Variants in LPL observed in about 807,000 individuals in gnomAD.
The protein encoded by LPL is lipoprotein lipase.
A neutral mutation model predicts 52.2 loss-of-function variants in LPL; 43 were observed. The observed-to-expected ratio is 0.82, with a 90% CI of 0.64 to 1.06. The LOEUF (loss-of-function observed/expected upper bound fraction) is 1.06. Ranked by LOEUF, LPL falls within the 50% of genes least tolerant of loss-of-function variation. The pLI is 0.00. For synonymous variants in LPL, 244 were observed against 215.6 expected, an observed-to-expected ratio of 1.13 and a Z score of -1.15; for missense variants, 639 against 585.3, an observed-to-expected ratio of 1.09 and a Z score of -0.95.
At chr8:19,957,046 A>T (rs2069992104) in intron 6 of LPL, among the ~76,000 whole-genome samples, 1 of 152,144 alleles carries the variant, frequency 6.6e-6, no homozygotes, top group African/African-American at 2.4e-5. Context: ...CTGGTCTCGA[A>T]CTGCTGACCT....
Position 19,960,923 on chromosome 8 carries a change from A to T in LPL, c.1162A>T (p.Thr388Ser). Residue 388 changes from threonine (T) to serine (S), a missense_variant, in exon 8 of 10, where the codon ACC becomes TCC. Physicochemically the swap from Thr to Ser is moderately conservative, Grantham distance 58 (BLOSUM62 1). Transcript: ENST00000650287. ...TAGGCCTGAAGTTTCCACAAATAAG[A>T]CCTACTCCTTCCTAATTTACACAGA... ...FTLPEVSTNKTYSFLIYTEVD... is the reference protein window; with the variant it reads ...FTLPEVSTNKSYSFLIYTEVD... The T allele has an allele frequency of 6.2e-7, 1 of 1,613,894 alleles. No homozygotes were observed. Among genetic ancestry groups the T allele is most frequent in the South Asian group, 1.1e-5 (1 of 91,066 alleles).
In LPL at chr8:19,955,977, T is replaced by C. The variant is rs1174269258; in HGVS notation, c.912T>C (p.Ser304=). The C allele has an allele frequency of 6.2e-7, 1 of 1,613,970 alleles. No homozygotes were observed. The highest frequency in any genetic ancestry group is 8.5e-7 in the Non-Finnish European group (1 of 1,180,020). ...CCTTTGAGAAAGGGCTCTGCTTGAG[T>C]TGTAGAAAGAACCGCTGCAACAATC... The part of the protein sequence containing the change: ...KEAFEKGLCL[S]CRKNRCNNLG... Residue 304 remains serine, a synonymous_variant, in exon 6 of 10, where the codon AGT becomes AGC. Coordinates refer to ENST00000650287, the MANE Select transcript of LPL (RefSeq NM_000237.3).
intron 2 of LPL, among the ~76,000 whole-genome samples, chr8:19,949,494 CT>C (rs1350964255): frequency 6.6e-6 from 1 of 152,076 alleles, no homozygotes; most frequent in Non-Finnish European, 1.5e-5. Context: ...GAATCTTTTT[CT>C]TTTTTGAGAT....
At chr8:19,959,129 T>C (rs1400766690) in intron 6 of LPL, 131 bp from the exon 7 acceptor site, 1 of 1,050,304 alleles carries the variant, frequency 9.5e-7, no homozygotes, top group Non-Finnish European at 1.4e-6. Context: ...GCCACACCAG[T>C]GGTTCCATGT....
chr8:19,957,140 A>G (rs2069992829), intron 6 of LPL, among the ~76,000 whole-genome samples: 1 of 152,212 alleles, frequency 6.6e-6, no homozygotes, highest in South Asian at 2.1e-4. Context: ...ACCTTCTAAG[A>G]TACTGCCATT....
chr8:19,943,472 C>G (rs183824260), intron 1 of LPL, among the ~76,000 whole-genome samples: 1 of 152,116 alleles, frequency 6.6e-6, no homozygotes. Context: ...TTTATTCAGC[C>G]CTCCCTCCAA....
intron 3 of LPL, among the ~76,000 whole-genome samples, chr8:19,952,338 T>A (rs963467917): frequency 2.0e-5 from 3 of 152,310 alleles, no homozygotes; most frequent in South Asian, 2.1e-4. Context: ...ATCTCTTTCA[T>A]GAAAATATTA....
At position 19,939,544 on chromosome 8, in the gene LPL, A is replaced by G. The variant is rs752827324; in HGVS notation, c.88+16A>G. ...GCCGCCGACCGTAAGTTTTGCGCGCAAACTCCCCTCCACCTGCAGACCCGG... is the reference window on the plus strand; with the variant it reads ...GCCGCCGACCGTAAGTTTTGCGCGCGAACTCCCCTCCACCTGCAGACCCGG... On this transcript the variant is annotated intron_variant, in intron 1 of 9. Transcript: ENST00000650287. The surrounding 1 kb of genome is among the most constrained non-coding windows in gnomAD (Gnocchi z 4.0). The G allele has an allele frequency of 2.1e-5, 34 of 1,603,056 alleles. No homozygotes were observed. Among genetic ancestry groups the G allele is most frequent in the Non-Finnish European group, 1.6e-5 (19 of 1,176,020 alleles).
intron 9 of LPL, among the ~76,000 whole-genome samples, chr8:19,964,788 C>G (rs1195206305): frequency 2.0e-5 from 3 of 152,100 alleles, no homozygotes. Context: ...TCTCAGCCTC[C>G]CAATGTGCTG....
chr8:19,948,309 G>A lies in LPL; in HGVS notation c.218G>A (p.Ser73Asn). 2 of 1,614,100 alleles carry A rather than the reference G, an allele frequency of 1.2e-6. No homozygotes were observed. Among genetic ancestry groups the A allele is most frequent in the Non-Finnish European group, 1.7e-6 (2 of 1,180,002 alleles). Residue 73 changes from serine to asparagine, a missense_variant, in exon 2 of 10, where the codon AGC (serine) becomes AAC (asparagine). Physicochemically the swap from Ser to Asn is conservative, Grantham distance 46. Coordinates refer to ENST00000650287, the MANE Select transcript of LPL (RefSeq NM_000237.3). ...GCTACCTGTCATTTCAATCACAGCA[G>A]CAAAACCTTCATGGTGATCCATGGC... ...SVATCHFNHS[S>N]KTFMVIHGWT...
chr8:19,949,551 C>T (rs1034475032), intron 2 of LPL, among the ~76,000 whole-genome samples: 10 of 152,252 alleles, frequency 6.6e-5, no homozygotes, highest in African/African-American at 1.9e-4. Context: ...GGCGCGATCT[C>T]GGCTCACTGC....
Position 19,939,403 on chromosome 8 carries a change from C to T in LPL, c.-38C>T, listed in dbSNP as rs886062787. 3.8e-6 allele frequency: 6 copies of T among 1,569,616 alleles called. No individual in the cohort carries two copies. The highest frequency in any genetic ancestry group is 5.2e-6 in the Non-Finnish European group (6 of 1,156,630). ...CGGCTCAGCCGGCTCATCAGTCGGTCCGCGCCTTGCAGCTCCTCCAGAGGG... is the reference window on the plus strand; with the variant it reads ...CGGCTCAGCCGGCTCATCAGTCGGTTCGCGCCTTGCAGCTCCTCCAGAGGG... On this transcript the variant is annotated 5_prime_UTR_variant, in exon 1 of 10. Coordinates refer to ENST00000650287, the MANE Select transcript of LPL (RefSeq NM_000237.3). The surrounding 1 kb of genome is among the most constrained non-coding windows in gnomAD (Gnocchi z 4.0).
At position 19,948,181 on chromosome 8, in the gene LPL, AAGAAG is replaced by A. The variant is rs1263698980; in HGVS notation, c.94_98del (p.Arg32PhefsTer7). 1.2e-6 allele frequency: 2 copies of A among 1,614,112 alleles called. No homozygotes were observed. The highest frequency in any genetic ancestry group is 8.5e-7 in the Non-Finnish European group (1 of 1,179,960). ...TCATATCCAATTTTTCCTTTCCAGA[AAGAAG>A]AGATTTTATCGACATCGAAAGTAAA... On this transcript the variant is annotated frameshift_variant and splice_region_variant, in exon 2 of 10. Coordinates refer to ENST00000650287, the MANE Select transcript of LPL (RefSeq NM_000237.3). LOFTEE classifies it high-confidence loss of function.
At chr8:19,958,350 A>G (rs1590146065) in intron 6 of LPL, among the ~76,000 whole-genome samples, 1 of 151,778 alleles carries the variant, frequency 6.6e-6, no homozygotes, top group Non-Finnish European at 1.5e-5. Context: ...CTCCATCATC[A>G]TGGTTCTATT....
rs372554872 is a variant in LPL, at chr8:19,948,265, C to A, written c.174C>A (p.Pro58=). 6.2e-7 allele frequency: 1 copy of A among 1,614,070 alleles called. No homozygotes were observed. Among genetic ancestry groups the A allele is most frequent in the Non-Finnish European group, 8.5e-7 (1 of 1,179,996 alleles). The change falls in exon 2 of 10, where the codon CCC becomes CCA. Residue 58 remains proline, a synonymous_variant. Transcript: ENST00000650287. ...CTGAGGACACTTGCCACCTCATTCC[C>A]GGAGTAGCAGAGTCCGTGGCTACCT... ...DTAEDTCHLI[P]GVAESVATCH...
At chr8:19,964,889 A>G (rs1001195074) in intron 9 of LPL, among the ~76,000 whole-genome samples, 3 of 152,210 alleles carry the variant, frequency 2.0e-5, no homozygotes, top group African/African-American at 7.2e-5. Context: ...AATTAGACTA[A>G]TAATCTTCTA....
At position 19,954,219 on chromosome 8, in the gene LPL, G is replaced by T; in HGVS notation, c.641G>T (p.Arg214Ile). The T allele has an allele frequency of 6.2e-7, 1 of 1,614,172 alleles. No homozygotes were observed. Among genetic ancestry groups the T allele is most frequent in the East Asian group, 2.2e-5 (1 of 44,880 alleles). Reference sequence around the variant, plus strand: ...GTAGACGTCTTACACACATTCACCAGAGGGTCCCCTGGTCGAAGCATTGGA... The same window carrying T: ...GTAGACGTCTTACACACATTCACCATAGGGTCCCCTGGTCGAAGCATTGGA... ...DFVDVLHTFT[R>I]GSPGRSIGIQ... The change falls in exon 5 of 10, where the codon AGA becomes ATA. Residue 214 changes from arginine to isoleucine, a missense_variant. Arg to Ile is a moderately conservative substitution (Grantham distance 97). Transcript: ENST00000650287.
chr8:19,965,445 C>A lies in LPL; in HGVS notation c.*135C>A, dbSNP rs1456891629. The A allele has an allele frequency of 1.2e-5, 8 of 693,128 alleles. No individual in the cohort carries two copies. The highest frequency in any genetic ancestry group is 2.1e-5 in the Non-Finnish European group (8 of 377,332). The allele number at this position is 693,128 out of a possible 1,614,324, so 42.9% of individuals were successfully genotyped here. On this transcript the variant is annotated 3_prime_UTR_variant, in exon 10 of 10. Coordinates refer to ENST00000650287, the MANE Select transcript of LPL (RefSeq NM_000237.3). ...GATTTTCCTGAATATTAATCCCAGC[C>A]CTACCCTTGTTAGTTATTTTAGGAG... is the stretch of plus-strand genomic sequence containing the variant.
At chr8:19,962,894 G>A (rs331) in intron 9 of LPL, among the ~76,000 whole-genome samples, 44,846 of 152,114 alleles carry the variant, frequency 0.29, 6,902 homozygotes, top group African/African-American at 0.38. Context: ...CGTCAGTACT[G>A]AGAGGACACT....
Sources: gnomAD v4.1 joint callset for allele counts (sites outside exome capture counted in the v4.1 genomes callset) on GRCh38, gnomAD v4.1.1 for gene constraint, Gnocchi (gnomAD v3.1) non-coding constraint, MANE v1.5 for transcripts, NCBI Gene and HGNC (gene_info 2026-07-23, HGNC 2026-07-21) for gene names.